Variants in ZMAT3 observed in about 807,000 individuals in gnomAD.
ZMAT3 encodes zinc finger matrin-type protein 3.
Under a neutral mutation model 32.3 loss-of-function variants are expected in ZMAT3, and 17 were observed. That is an observed-to-expected ratio of 0.53 (90% confidence interval 0.36 to 0.79). The LOEUF (loss-of-function observed/expected upper bound fraction) is 0.79. Among genes scored for constraint, ZMAT3 ranks in the 30% least tolerant of loss-of-function variants. The probability of loss-of-function intolerance (pLI) is 0.00; values close to 1 mark genes in which losing one functional copy is unlikely to be tolerated. For synonymous variants in ZMAT3, 120 were observed against 133.1 expected (o/e 0.90, Z 0.68); for missense variants, 329 against 359.7 (o/e 0.91, Z 0.69).
intron 2 of ZMAT3, among the ~76,000 whole-genome samples, chr3:179,037,478 G>A (rs947441363): frequency 2.0e-5 from 3 of 152,226 alleles, no homozygotes; most frequent in African/African-American, 4.8e-5. Flanking sequence ...ATCCCTCAGC[G>A]GGCGCAGGAT....
chr3:179,068,493 CAG>C (rs1429976570), intron 1 of ZMAT3, among the ~76,000 whole-genome samples: 1 of 150,292 alleles, frequency 6.7e-6, no homozygotes, highest in Non-Finnish European at 1.5e-5. Context: ...GCCTGGGTGA[CAG>C]AGCAAGACTG....
Position 179,067,557 on chromosome 3 carries a change from G to T in ZMAT3, c.196C>A (p.Leu66Ile). The T allele has an allele frequency of 6.2e-7, 1 of 1,614,144 alleles. No homozygotes were observed. The highest frequency in any genetic ancestry group is 2.2e-5 in the East Asian group (1 of 44,874). ...AGTTTGCAGTACAGGGGCTTACATAGCTCCTCCAGGGCACAGTCTTGCTCC... is the reference window on the plus strand; with the variant it reads ...AGTTTGCAGTACAGGGGCTTACATATCTCCTCCAGGGCACAGTCTTGCTCC... Reference protein sequence around the residue: ...GGEQDCALEELCKPLYCKLCN... With the variant: ...GGEQDCALEEICKPLYCKLCN... The change falls in exon 2 of 6, where the codon CTA becomes ATA. Residue 66 changes from leucine (L) to isoleucine (I), a missense_variant. By Grantham distance (5) the Leu-to-Ile change is conservative. Transcript: ENST00000311417.
At chr3:179,060,219 T>C (rs1186744239) in intron 2 of ZMAT3, among the ~76,000 whole-genome samples, 2 of 132,254 alleles carry the variant, frequency 1.5e-5, no homozygotes, top group East Asian at 2.5e-4. Flanking sequence ...AAAAAAAGAA[T>C]GATAAAAGAT....
intron 3 of ZMAT3, among the ~76,000 whole-genome samples, chr3:179,028,325 A>G (rs931890163): frequency 6.6e-6 from 1 of 152,214 alleles, no homozygotes; most frequent in Non-Finnish European, 1.5e-5. Flanking sequence ...TAAGTAGCAA[A>G]TCCAGACAAC....
At position 179,020,323 on chromosome 3, in the gene ZMAT3, A is replaced by G. The variant is rs1212328373; in HGVS notation, c.*4694T>C. ...CCTCCCATTCATAACGGGAAGAAAA[A>G]GTCAAACAGCTATCAGTAGAAGCGT... On this transcript the variant is annotated 3_prime_UTR_variant, in exon 6 of 6. Transcript: ENST00000311417. 1.3e-5 allele frequency: 2 copies of G among 152,204 alleles called. No homozygotes were observed. Among genetic ancestry groups the G allele is most frequent in the African/African-American group, 4.8e-5 (2 of 41,444 alleles). The allele number at this position is 152,204 out of a possible 1,614,324, so 9.4% of individuals were successfully genotyped here.
At position 179,054,895 on chromosome 3, in the gene ZMAT3, G is replaced by A. The variant is rs113092211; in HGVS notation, c.270+12588C>T. ...AAGTGCCCGGGTTCATCCTAATTGA[G>A]CTGAACACTAGTCACTGGGTTCCAT... On this transcript the variant is annotated intron_variant, in intron 2 of 5. Coordinates refer to ENST00000311417, the MANE Select transcript of ZMAT3 (RefSeq NM_022470.4). Among the ~76,000 whole-genome samples, 41 of 152,304 alleles carry A rather than the reference G, an allele frequency of 2.7e-4. 1 individual carries two copies. Among genetic ancestry groups the A allele is most frequent in the African/African-American group, 9.6e-4 (40 of 41,572 alleles).
chr3:179,068,533 C>T (rs1721542501), intron 1 of ZMAT3, among the ~76,000 whole-genome samples: 1 of 151,820 alleles, frequency 6.6e-6, no homozygotes, highest in African/African-American at 2.4e-5. Flanking sequence ...AGACCACCAG[C>T]TAAAAATCTT....
At chr3:179,061,479 A>G (rs1408352775) in intron 2 of ZMAT3, among the ~76,000 whole-genome samples, 1 of 152,222 alleles carries the variant, frequency 6.6e-6, no homozygotes, top group Non-Finnish European at 1.5e-5. Flanking sequence ...TCAGAATCAG[A>G]AAACAGTGGG....
chr3:179,020,018 T>G lies in ZMAT3; in HGVS notation c.*4999A>C, dbSNP rs1329751568. On this transcript the variant is annotated 3_prime_UTR_variant, in exon 6 of 6. Coordinates refer to ENST00000311417, the MANE Select transcript of ZMAT3 (RefSeq NM_022470.4). ...GGATTCATTTTCAGAATGTATGGTTTCTGATCAATAATGACAATAGTTTTA... is the reference window on the plus strand; with the variant it reads ...GGATTCATTTTCAGAATGTATGGTTGCTGATCAATAATGACAATAGTTTTA... The G allele has an allele frequency of 1.3e-5, 2 of 152,184 alleles. No homozygotes were observed. The highest frequency in any genetic ancestry group is 4.8e-5 in the African/African-American group (2 of 41,462). 9.4% of individuals were successfully genotyped at this position (152,184 alleles called of 1,614,324 possible). A position where few individuals can be genotyped will look rare whatever the true frequency, so the allele number is the denominator to read the frequency against.
At position 179,055,959 on chromosome 3, in the gene ZMAT3, T is replaced by C. The variant is rs547152672; in HGVS notation, c.270+11524A>G. On this transcript the variant is annotated intron_variant, in intron 2 of 5. Coordinates refer to ENST00000311417, the MANE Select transcript of ZMAT3 (RefSeq NM_022470.4). ...CTCATTGGGACACAGAATCAGAACA[T>C]GGAGATTGGTGCCACAAACATTTGC... 1.6e-4 allele frequency among the ~76,000 whole-genome samples: 25 copies of C among 152,086 alleles called. No homozygotes were observed. The East Asian group carries it at 4.1e-3, about 25-fold the overall frequency.
intron 2 of ZMAT3, among the ~76,000 whole-genome samples, chr3:179,060,893 A>G (rs868005319): frequency 1.3e-5 from 2 of 152,200 alleles, no homozygotes; most frequent in Non-Finnish European, 2.9e-5. Context: ...ATTTCTCTTC[A>G]GCAACATTAG....
rs762803882 is a variant in ZMAT3, at chr3:179,067,549, C to T, written c.204G>A (p.Lys68=). ...EQDCALEELC[K]PLYCKLCNVT... is the part of the protein sequence containing the mutation. ...CATTGCAGAGTTTGCAGTACAGGGG[C>T]TTACATAGCTCCTCCAGGGCACAGT... is the stretch of plus-strand genomic sequence containing the variant. Residue 68 remains lysine (K), a synonymous_variant, in exon 2 of 6, where the codon AAG becomes AAA. Transcript: ENST00000311417. 8.7e-6 allele frequency: 14 copies of T among 1,614,088 alleles called. No individual in the cohort carries two copies. The highest frequency in any genetic ancestry group is 1.6e-4 in the Middle Eastern group (1 of 6,084).
intron 1 of ZMAT3, among the ~76,000 whole-genome samples, chr3:179,070,361 C>A (rs1721646986): frequency 6.6e-6 from 1 of 152,216 alleles, no homozygotes; most frequent in South Asian, 2.1e-4. Flanking sequence ...AGAAAAAATT[C>A]TTGCCAAACA....
At position 179,018,508 on chromosome 3, in the gene ZMAT3, G is replaced by A. The variant is rs1300921436; in HGVS notation, c.*6509C>T. Reference sequence around the variant, plus strand: ...TTCCCTCCAAGGGCCCAAAGGAAGTGTTCAGTTACTTTGGAAGCCATGAAT... The same window carrying A: ...TTCCCTCCAAGGGCCCAAAGGAAGTATTCAGTTACTTTGGAAGCCATGAAT... On this transcript the variant is annotated 3_prime_UTR_variant, in exon 6 of 6. Coordinates refer to ENST00000311417, the MANE Select transcript of ZMAT3 (RefSeq NM_022470.4). 6.6e-6 allele frequency: 1 copy of A among 151,924 alleles called. No homozygotes were observed. Among genetic ancestry groups the A allele is most frequent in the African/African-American group, 2.4e-5 (1 of 41,348 alleles). The allele number at this position is 151,924 out of a possible 1,614,324, so 9.4% of individuals were successfully genotyped here.
chr3:179,058,786 A>C (rs1261353252), intron 2 of ZMAT3, among the ~76,000 whole-genome samples: 2 of 151,584 alleles, frequency 1.3e-5, no homozygotes, highest in African/African-American at 4.8e-5. Context: ...AAAAAGAAAA[A>C]GGACTTCGAA....
chr3:179,055,208 A>G (rs1720774156), intron 2 of ZMAT3, among the ~76,000 whole-genome samples: 1 of 152,194 alleles, frequency 6.6e-6, no homozygotes, highest in African/African-American at 2.4e-5. Flanking sequence ...TGTGACACTC[A>G]GACGCTAAGA....
chr3:179,041,049 G>C (rs1719894799), intron 2 of ZMAT3, among the ~76,000 whole-genome samples: 1 of 152,150 alleles, frequency 6.6e-6, no homozygotes, highest in South Asian at 2.1e-4. Flanking sequence ...AAATATATAT[G>C]CACCCAATAC....
intron 2 of ZMAT3, among the ~76,000 whole-genome samples, chr3:179,031,936 CCTCCCCCTCCCCCTCCCCCTCCCCCTCCT>C: frequency 7.1e-4 from 1 of 1,406 alleles, no homozygotes; most frequent in Admixed American, 3.8e-3. Context: ...TCTCCCTCTC[CCTCCCCCTCCCCCTCCCCCTCCCCCTCCT>C]CCTCCCCCTC....
chr3:179,036,082 T>C (rs1467645560), intron 2 of ZMAT3, among the ~76,000 whole-genome samples: 2 of 152,168 alleles, frequency 1.3e-5, no homozygotes, highest in African/African-American at 4.8e-5. Context: ...AACTTGGACT[T>C]CAGAGGCAGC....
Sources: gnomAD v4.1 joint callset for allele counts (sites outside exome capture counted in the v4.1 genomes callset) on GRCh38, gnomAD v4.1.1 for gene constraint, MANE v1.5 for transcripts, NCBI Gene and HGNC (gene_info 2026-07-23, HGNC 2026-07-21) for gene names.